The following COBL variants were observed in gnomAD, a reference collection of about 807,000 sequenced individuals.
COBL encodes the protein protein cordon-bleu.
COBL carries 51 observed loss-of-function variants against 98.8 expected under a neutral mutation model. That is an observed-to-expected ratio of 0.52 (90% CI 0.41 to 0.65). The LOEUF (loss-of-function observed/expected upper bound fraction) is 0.65. Ranked by LOEUF, COBL falls within the 30% of genes least tolerant of loss-of-function variation. The pLI, the probability that COBL is intolerant of heterozygous loss-of-function variation, is 0.00. For missense variants in COBL, 1,617 were observed against 1,617.5 expected, an observed-to-expected ratio of 1.00 and a Z score of 0.01; for synonymous variants, 634 against 651.7, an observed-to-expected ratio of 0.97 and a Z score of 0.41.
intron 11 of COBL, 56 bp downstream of exon 11, chr7:51,026,490 A>T (rs1787568157): frequency 6.3e-7 from 1 of 1,596,060 alleles, no homozygotes; most frequent in East Asian, 2.2e-5. Flanking sequence ...GTGCCTCGGA[A>T]GAAGGGGTGG....
intron 1 of COBL, among the ~76,000 whole-genome samples, chr7:51,297,060 C>G (rs1248650370): frequency 6.6e-6 from 1 of 152,174 alleles, no homozygotes; most frequent in African/African-American, 2.4e-5. Flanking sequence ...AGTCCCCTCT[C>G]TGCTGGCCCA....
intron 5 of COBL, among the ~76,000 whole-genome samples, chr7:51,137,798 T>A (rs565794263): frequency 6.6e-5 from 10 of 152,156 alleles, no homozygotes; most frequent in Non-Finnish European, 1.2e-4. Context: ...TCAACCTTCC[T>A]GAGACAATGA....
At chr7:51,050,376 G>T (rs1243740333) in intron 7 of COBL, among the ~76,000 whole-genome samples, 1 of 152,170 alleles carries the variant, frequency 6.6e-6, no homozygotes, top group African/African-American at 2.4e-5. Flanking sequence ...TGTTCCAACT[G>T]CTGTTCTTTT....
At chr7:51,181,688 G>C (rs1788969549) in intron 5 of COBL, among the ~76,000 whole-genome samples, 1 of 152,182 alleles carries the variant, frequency 6.6e-6, no homozygotes, top group South Asian at 2.1e-4. Flanking sequence ...TCTTTCTTTA[G>C]GTTGACAATG....
chr7:51,291,587 C>A (rs1485064107), intron 1 of COBL, among the ~76,000 whole-genome samples: 9 of 151,898 alleles, frequency 5.9e-5, no homozygotes, highest in Non-Finnish European at 7.4e-5. Context: ...ATGGTGAAAC[C>A]CTCTCTCTGC....
At chr7:51,307,378 A>G (rs1488405678) in intron 1 of COBL, among the ~76,000 whole-genome samples, 1 of 152,012 alleles carries the variant, frequency 6.6e-6, no homozygotes, top group African/African-American at 2.4e-5. Context: ...AAACAAAAAC[A>G]AAAAAAGGAG....
intron 1 of COBL, among the ~76,000 whole-genome samples, chr7:51,303,939 C>T (rs1193478829): frequency 2.0e-5 from 3 of 152,190 alleles, no homozygotes; most frequent in Non-Finnish European, 2.9e-5. Context: ...CACACCAACA[C>T]TAAACTCAGA....
At chr7:51,097,956 G>A (rs961795900) in intron 6 of COBL, among the ~76,000 whole-genome samples, 12 of 150,832 alleles carry the variant, frequency 8.0e-5, no homozygotes, top group South Asian at 4.2e-4. Context: ...CCCGGCAGGC[G>A]GAGATTGCAG....
intron 1 of COBL, among the ~76,000 whole-genome samples, chr7:51,307,348 C>CAAAACAAAAACAAAAACAAAAACA (rs376773501): frequency 4.7e-5 from 7 of 148,302 alleles, no homozygotes; most frequent in African/African-American, 9.9e-5. Flanking sequence ...GACTCCATCT[C>CAAAACAAAAACAAAAACAAAAACA]AAAACAAAAA....
intron 7 of COBL, among the ~76,000 whole-genome samples, chr7:51,066,770 A>G (rs1791974644): frequency 6.6e-6 from 1 of 152,128 alleles, no homozygotes; most frequent in South Asian, 2.1e-4. Flanking sequence ...CCCACTGTGC[A>G]GTCTGCACTC....
intron 8 of COBL, chr7:51,031,512 G>A (rs1788142569): frequency 6.6e-6 from 1 of 152,542 alleles, no homozygotes; most frequent in Non-Finnish European, 1.5e-5. Flanking sequence ...ACATACCTCT[G>A]GTGCAGGATC....
chr7:51,197,780 CTTTT>C (rs1173407474), intron 2 of COBL, among the ~76,000 whole-genome samples: 1 of 152,080 alleles, frequency 6.6e-6, no homozygotes, highest in African/African-American at 2.4e-5. Context: ...CCTTCTTTGT[CTTTT>C]TTTATCGTTG....
chr7:51,100,285 G>A (rs1177397847), intron 6 of COBL, among the ~76,000 whole-genome samples: 1 of 152,158 alleles, frequency 6.6e-6, no homozygotes, highest in Non-Finnish European at 1.5e-5. Flanking sequence ...CAATTAACTA[G>A]CAAGGGGCTG....
intron 7 of COBL, chr7:51,065,396 T>C (rs1791815860): frequency 1.4e-6 from 1 of 703,346 alleles, no homozygotes; most frequent in South Asian, 1.5e-5. Context: ...CCCGGGGCTG[T>C]GGTATTCAGA....
At position 51,088,856 on chromosome 7, in the gene COBL, C is replaced by T. The variant is rs918667012; in HGVS notation, c.958-3552G>A. Among the ~76,000 whole-genome samples the T allele has an allele frequency of 2.6e-5, 4 of 152,170 alleles. No homozygotes were observed. The South Asian group carries it at 6.2e-4, about 24-fold the overall frequency. On this transcript the variant is annotated intron_variant, in intron 6 of 12. Coordinates refer to ENST00000265136, the MANE Select transcript of COBL (RefSeq NM_015198.5). ...CTGCCTGAGGGAAACTAGGCCTTCCCGAGTACTCTGGTGAGAGGGCCTTGA... is the reference window on the plus strand; with the variant it reads ...CTGCCTGAGGGAAACTAGGCCTTCCTGAGTACTCTGGTGAGAGGGCCTTGA...
At chr7:51,228,024 C>G (rs1255988555) in intron 1 of COBL, among the ~76,000 whole-genome samples, 2 of 152,106 alleles carry the variant, frequency 1.3e-5, no homozygotes, top group Non-Finnish European at 2.9e-5. Flanking sequence ...CGACTTTACC[C>G]ATCAAAACGC....
intron 1 of COBL, among the ~76,000 whole-genome samples, chr7:51,232,637 CTG>C (rs1794860755): frequency 1.3e-5 from 2 of 152,130 alleles, no homozygotes; most frequent in Non-Finnish European, 2.9e-5. Flanking sequence ...CAGTGAAACC[CTG>C]CCTCTACTAA....
At chr7:51,057,333 TAC>T (rs10579615) in intron 7 of COBL, among the ~76,000 whole-genome samples, 54,475 of 149,018 alleles carry the variant, frequency 0.37, 11,558 homozygotes, top group African/African-American at 0.58. Context: ...CGCACACACA[TAC>T]ACACACACAC....
At chr7:51,104,810 C>T (rs1452750253) in intron 6 of COBL, among the ~76,000 whole-genome samples, 1 of 152,116 alleles carries the variant, frequency 6.6e-6, no homozygotes, top group African/African-American at 2.4e-5. Context: ...TTTCTTGAGG[C>T]TAAATGCATT....
Sources: gnomAD v4.1 joint callset for allele counts (sites outside exome capture counted in the v4.1 genomes callset) on GRCh38, gnomAD v4.1.1 for gene constraint, MANE v1.5 for transcripts, NCBI Gene and HGNC (gene_info 2026-07-23, HGNC 2026-07-21) for gene names.